MOCS1: variants seen among roughly 807,000 people sequenced by gnomAD.
MOCS1 encodes molybdenum cofactor biosynthesis protein 1.
Under a neutral mutation model 57.6 loss-of-function variants are expected in MOCS1, and 39 were observed. That is an observed-to-expected ratio of 0.68 (90% CI 0.52 to 0.88). The LOEUF is 0.88. Among genes scored for constraint, MOCS1 ranks in the 40% least tolerant of loss-of-function variants. MOCS1 has a pLI of 0.00. For missense variants in MOCS1, 795 were observed against 831.1 expected (o/e 0.96, Z 0.53); for synonymous variants, 334 against 335.7 (o/e 1.00, Z 0.05).
In MOCS1 at chr6:39,905,438, G is replaced by GAT. The variant is rs1237062999; in HGVS notation, c.*917_*918dup. The GAT allele has an allele frequency of 2.2e-6, 1 of 457,828 alleles. No homozygotes were observed. Among genetic ancestry groups the GAT allele is most frequent in the Non-Finnish European group, 4.4e-6 (1 of 224,804 alleles). 28.4% of individuals were successfully genotyped at this position (457,828 alleles called of 1,614,324 possible). Reference sequence around the variant, plus strand: ...GGGAACTGTGTCTTGGGATAGGATTGATTGATTGATTGATAGGTGCAGCCT... The same window carrying GAT: ...GGGAACTGTGTCTTGGGATAGGATTGATATTGATTGATTGATAGGTGCAGCCT... On this transcript the variant is annotated 3_prime_UTR_variant, in exon 11 of 11. Coordinates refer to ENST00000340692, the MANE Select transcript of MOCS1 (RefSeq NM_001358530.2).
rs188194144 is a variant in MOCS1, at chr6:39,934,282, G to C, written c.123+13C>G. ...GCCCCGGGAAGCTGTGGACGCAGGC[G>C]GGGTGGGCTCACCTCCGAGGCAGCT... On this transcript the variant is annotated intron_variant, in intron 1 of 10. Coordinates refer to ENST00000340692, the MANE Select transcript of MOCS1 (RefSeq NM_001358530.2). 2.0e-6 allele frequency: 3 copies of C among 1,537,348 alleles called. No individual in the cohort carries two copies. Among genetic ancestry groups the C allele is most frequent in the Non-Finnish European group, 2.6e-6 (3 of 1,147,596 alleles).
rs34566284 is a variant in MOCS1, at chr6:39,918,838, TA to T, written c.419-2607del. On this transcript the variant is annotated intron_variant, in intron 3 of 10. Coordinates refer to ENST00000340692, the MANE Select transcript of MOCS1 (RefSeq NM_001358530.2). ...CTGAAATAAACATAAATTACTTTTG[TA>T]AAAAAAAAAAATAATAAAGTTTACA... Among the ~76,000 whole-genome samples, 1,719 of 145,540 alleles carry T rather than the reference TA, an allele frequency of 0.012. 165 individuals are homozygous for T. The East Asian group carries it at 0.25, about 21-fold the overall frequency.
chr6:39,909,139 A>G (rs1582803811), intron 9 of MOCS1, 37 bp from the exon 10 acceptor site: 1 of 946,842 alleles, frequency 1.1e-6, no homozygotes, highest in Non-Finnish European at 1.6e-6. Flanking sequence ...AGAGGAAAGC[A>G]GGGGAGGGGG....
At position 39,906,976 on chromosome 6, in the gene MOCS1, T is replaced by G; in HGVS notation, c.1292A>C (p.Gln431Pro). ...CCGCTGCTGGGCTAGAGGAGGGGTC[T>G]GGGGGACCCTGCATCCTTTCCATAA... ...ATLWKGCRVP[Q>P]TPPLAQQRLG... Residue 431 changes from glutamine to proline, a missense_variant, in exon 11 of 11, where the codon CAG becomes CCG. Gln to Pro is a moderately conservative substitution (Grantham distance 76). Transcript: ENST00000340692. 2 of 1,614,120 alleles carry G rather than the reference T, an allele frequency of 1.2e-6. No homozygotes were observed. Among genetic ancestry groups the G allele is most frequent in the Non-Finnish European group, 1.7e-6 (2 of 1,180,018 alleles).
At position 39,913,363 on chromosome 6, in the gene MOCS1, C is replaced by T; in HGVS notation, c.711G>A (p.Glu237=). The T allele has an allele frequency of 6.2e-7, 1 of 1,614,208 alleles. No individual in the cohort carries two copies. Among genetic ancestry groups the T allele is most frequent in the Non-Finnish European group, 8.5e-7 (1 of 1,180,034 alleles). ...TGAAGCGCACATCCAGGGGGAGGCC[C>T]TCAGTCAAGGCCGCAAAGTCCAGGA... ...DELLDFAALT[E]GLPLDVRFIE... Residue 237 remains glutamate (E), a synonymous_variant, in exon 6 of 11, where the codon GAG becomes GAA. Coordinates refer to ENST00000340692, the MANE Select transcript of MOCS1 (RefSeq NM_001358530.2).
At chr6:39,929,939 C>CAAAAAAA (rs397948587) in intron 1 of MOCS1, among the ~76,000 whole-genome samples, 2 of 96,708 alleles carry the variant, frequency 2.1e-5, no homozygotes, top group East Asian at 3.3e-4. Context: ...GAGATTCTCT[C>CAAAAAAA]AAAAAAAAAA....
chr6:39,929,022 T>A (rs1768497055), intron 1 of MOCS1, among the ~76,000 whole-genome samples: 1 of 152,182 alleles, frequency 6.6e-6, no homozygotes, highest in Non-Finnish European at 1.5e-5. Context: ...TCTCTCCAGG[T>A]AATTCTCATC....
intron 8 of MOCS1, 21 bp downstream of exon 8, chr6:39,912,243 T>C (rs748108456): frequency 6.4e-7 from 1 of 1,571,304 alleles, no homozygotes; most frequent in Non-Finnish European, 8.8e-7. Flanking sequence ...AAGGGGTCCC[T>C]GTGGAGGAGG....
At chr6:39,918,145 C>T (rs796925077) in intron 3 of MOCS1, among the ~76,000 whole-genome samples, 7 of 152,320 alleles carry the variant, frequency 4.6e-5, no homozygotes, top group Admixed American at 1.3e-4. Flanking sequence ...CACCCCTCCC[C>T]CTGAATTTTA....
At chr6:39,919,467 GAC>G (rs1366754123) in intron 3 of MOCS1, among the ~76,000 whole-genome samples, 1 of 151,430 alleles carries the variant, frequency 6.6e-6, no homozygotes, top group Admixed American at 6.6e-5. Flanking sequence ...CAGCCTGGGT[GAC>G]AGAGTAAGAC....
At chr6:39,910,968 G>A (rs1447159627) in intron 8 of MOCS1, among the ~76,000 whole-genome samples, 1 of 152,206 alleles carries the variant, frequency 6.6e-6, no homozygotes, top group Non-Finnish European at 1.5e-5. Context: ...TGCCAATGAG[G>A]TGGCCTCTCT....
chr6:39,932,932 G>A (rs1768714810), intron 1 of MOCS1, among the ~76,000 whole-genome samples: 1 of 152,140 alleles, frequency 6.6e-6, no homozygotes, highest in African/African-American at 2.4e-5. Context: ...TCCCTAATAA[G>A]GGATGGGGCT....
intron 10 of MOCS1, among the ~76,000 whole-genome samples, chr6:39,908,338 C>T (rs932980599): frequency 6.6e-6 from 1 of 152,122 alleles, no homozygotes; most frequent in Admixed American, 6.6e-5. Context: ...GGGTCAAGGC[C>T]TCACCTGCTA....
At position 39,916,134 on chromosome 6, in the gene MOCS1, T is replaced by C. The variant is rs1422694549; in HGVS notation, c.517A>G (p.Ser173Gly). The C allele has an allele frequency of 4.3e-6, 7 of 1,613,888 alleles. No homozygotes were observed. Among genetic ancestry groups the C allele is most frequent in the Non-Finnish European group, 5.9e-6 (7 of 1,179,996 alleles). The change falls in exon 4 of 11, where the codon AGT becomes GGT. Residue 173 changes from serine (S) to glycine (G), a missense_variant. By Grantham distance (56) the Ser-to-Gly change is moderately conservative. Coordinates refer to ENST00000340692, the MANE Select transcript of MOCS1 (RefSeq NM_001358530.2). ...GTGTCCAGGCTGATGTTGATGGCACTGAGACCAGCCTTCTGAAGCTGGGGC... is the reference window on the plus strand; with the variant it reads ...GTGTCCAGGCTGATGTTGATGGCACCGAGACCAGCCTTCTGAAGCTGGGGC... Reference protein sequence around the residue: ...LLPQLQKAGLSAINISLDTLV... With the variant: ...LLPQLQKAGLGAINISLDTLV...
At chr6:39,925,613 G>T in intron 3 of MOCS1, 65 bp downstream of exon 3, 1 of 1,587,426 alleles carries the variant, frequency 6.3e-7, no homozygotes, top group South Asian at 1.1e-5. Flanking sequence ...TGTTAACATC[G>T]GCATCAGTGT....
intron 1 of MOCS1, among the ~76,000 whole-genome samples, chr6:39,932,122 C>A (rs1325359203): frequency 6.6e-6 from 1 of 152,196 alleles, no homozygotes; most frequent in Admixed American, 6.5e-5. Context: ...TCCTGCCACA[C>A]AAACAATGCC....
chr6:39,911,702 C>T (rs1767340033), intron 8 of MOCS1, among the ~76,000 whole-genome samples: 1 of 152,082 alleles, frequency 6.6e-6, no homozygotes, highest in Non-Finnish European at 1.5e-5. Flanking sequence ...TTCTTCAAGG[C>T]TCGCTGAGGT....
In MOCS1 at chr6:39,905,850, G is replaced by A; in HGVS notation, c.*507C>T. 2.1e-6 allele frequency: 1 copy of A among 468,466 alleles called. No individual in the cohort carries two copies. The allele number at this position is 468,466 out of a possible 1,614,324, so 29.0% of individuals were successfully genotyped here. A position where few individuals can be genotyped will look rare whatever the true frequency, so the allele number is the denominator to read the frequency against. On this transcript the variant is annotated 3_prime_UTR_variant, in exon 11 of 11. Transcript: ENST00000340692. Reference sequence around the variant, plus strand: ...CAGGACAGGACAGGGCAGGGCTGCGGCTTCACAGACTTAGGGAGGCAGAGC... The same window carrying A: ...CAGGACAGGACAGGGCAGGGCTGCGACTTCACAGACTTAGGGAGGCAGAGC...
At chr6:39,917,603 T>G (rs1428265859) in intron 3 of MOCS1, among the ~76,000 whole-genome samples, 2 of 151,770 alleles carry the variant, frequency 1.3e-5, no homozygotes, top group Non-Finnish European at 2.9e-5. Context: ...GGCACTAAGA[T>G]GAGTACACCG....
Sources: allele counts gnomAD v4.1 joint callset (sites outside exome capture counted in the v4.1 genomes callset), GRCh38; gene constraint gnomAD v4.1.1; transcripts MANE v1.5; gene names NCBI Gene and HGNC (gene_info 2026-07-23, HGNC 2026-07-21).